PPP1R16B: variants seen among roughly 807,000 people sequenced by gnomAD.
The protein encoded by PPP1R16B is protein phosphatase 1 regulatory subunit 16B.
A neutral mutation model predicts 61.7 loss-of-function variants in PPP1R16B; 14 were observed. The observed-to-expected ratio is 0.23, with a 90% CI of 0.15 to 0.35. PPP1R16B has a LOEUF of 0.35. Among genes scored for constraint, PPP1R16B ranks in the 10% least tolerant of loss-of-function variants. The pLI is 1.00. For synonymous variants in PPP1R16B, 266 were observed against 305.3 expected (o/e 0.87, Z 1.34); for missense variants, 547 against 752.5 (o/e 0.73, Z 3.19).
At position 38,918,574 on chromosome 20, in the gene PPP1R16B, A is replaced by G; in HGVS notation, c.1612A>G (p.Thr538Ala). 1 of 1,545,290 alleles carries G rather than the reference A, an allele frequency of 6.5e-7. No individual in the cohort carries two copies. Among genetic ancestry groups the G allele is most frequent in the South Asian group, 1.3e-5 (1 of 79,218 alleles). Residue 538 changes from threonine (T) to alanine (A), a missense_variant, in exon 11 of 11, where the codon ACG (threonine) becomes GCG (alanine). Physicochemically the swap from Thr to Ala is moderately conservative, Grantham distance 58. Transcript: ENST00000299824. This position sits in a 1 kb window ranked among gnomAD's most constrained non-coding sequence, Gnocchi z 5.3. ...CAGCAATGGGACCTCGGTATATTAC[A>G]CGGTCACCAGCGGAGATCCCCCACT... is the stretch of plus-strand genomic sequence containing the variant. The part of the protein sequence containing the change: ...YSSNGTSVYY[T>A]VTSGDPPLLK...
intron 2 of PPP1R16B, among the ~76,000 whole-genome samples, chr20:38,884,996 C>A (rs1362479345): frequency 7.3e-6 from 1 of 136,360 alleles, no homozygotes. Flanking sequence ...GAGATCGCAC[C>A]ACTGCACTAC....
rs575068453 is a variant in PPP1R16B, at chr20:38,806,840, T to A, written c.-102+1048T>A. Among the ~76,000 whole-genome samples the A allele has an allele frequency of 4.9e-4, 74 of 152,262 alleles. No individual in the cohort carries two copies. Among genetic ancestry groups the A allele is most frequent in the African/African-American group, 1.7e-3 (70 of 41,578 alleles). Reference sequence around the variant, plus strand: ...TCCTGAGACCCCAGGGCTGCGCCGCTGCCGCGCGCCAGGCCTGGGTCCCGG... The same window carrying A: ...TCCTGAGACCCCAGGGCTGCGCCGCAGCCGCGCGCCAGGCCTGGGTCCCGG... On this transcript the variant is annotated intron_variant, in intron 1 of 10. Coordinates refer to ENST00000299824, the MANE Select transcript of PPP1R16B (RefSeq NM_015568.4). This position sits in a 1 kb window ranked among gnomAD's most constrained non-coding sequence, Gnocchi z 4.5.
At chr20:38,868,991 ACACTGCCAT>A (rs1441466791) in intron 2 of PPP1R16B, among the ~76,000 whole-genome samples, 1 of 151,912 alleles carries the variant, frequency 6.6e-6, no homozygotes, top group East Asian at 1.9e-4. Flanking sequence ...TTTCTCTAGG[ACACTGCCAT>A]CAGTCCAAAA....
intron 2 of PPP1R16B, among the ~76,000 whole-genome samples, chr20:38,847,954 T>C (rs999177508): frequency 2.6e-5 from 4 of 152,208 alleles, no homozygotes; most frequent in Non-Finnish European, 1.5e-5. Flanking sequence ...ATTTTTTTTA[T>C]CCCTTTAAAG....
Position 38,918,448 on chromosome 20 carries a change from C to A in PPP1R16B, c.1486C>A (p.Pro496Thr). 1.2e-6 allele frequency: 2 copies of A among 1,614,180 alleles called. No homozygotes were observed. The highest frequency in any genetic ancestry group is 1.7e-6 in the Non-Finnish European group (2 of 1,180,026). ...QRAAAKLLSHPFLSTHLGSSM... is the reference protein window; with the variant it reads ...QRAAAKLLSHTFLSTHLGSSM... ...GGCTGCAGCCAAGCTGCTCAGCCAC[C>A]CCTTCCTTAGCACACACCTGGGCAG... Residue 496 changes from proline (P) to threonine (T), a missense_variant, in exon 11 of 11, where the codon CCC (proline) becomes ACC (threonine). Coordinates refer to ENST00000299824, the MANE Select transcript of PPP1R16B (RefSeq NM_015568.4). This position sits in a 1 kb window ranked among gnomAD's most constrained non-coding sequence, Gnocchi z 5.3.
At chr20:38,873,736 T>C (rs2085146232) in intron 2 of PPP1R16B, among the ~76,000 whole-genome samples, 1 of 93,120 alleles carries the variant, frequency 1.1e-5, no homozygotes, top group African/African-American at 3.6e-5. Flanking sequence ...TGAAACATCT[T>C]TTTTTTGTTT....
intron 2 of PPP1R16B, among the ~76,000 whole-genome samples, chr20:38,845,308 G>A (rs192277443): frequency 2.2e-4 from 34 of 152,204 alleles, no homozygotes; most frequent in African/African-American, 7.2e-4. Flanking sequence ...AGGGCCAAAT[G>A]TGGTGGCTCA....
intron 2 of PPP1R16B, among the ~76,000 whole-genome samples, chr20:38,864,279 C>T (rs78096962): frequency 0.031 from 4,650 of 152,124 alleles, 237 homozygotes; most frequent in African/African-American, 0.1. Flanking sequence ...GATGATTGTA[C>T]AACTTTGAAT....
intron 1 of PPP1R16B, among the ~76,000 whole-genome samples, chr20:38,819,522 T>C (rs1342589541): frequency 1.3e-5 from 2 of 152,164 alleles, no homozygotes; most frequent in Non-Finnish European, 2.9e-5. Flanking sequence ...TATATGACTA[T>C]AGAAGACTTT....
At chr20:38,857,317 A>G (rs766305870) in intron 2 of PPP1R16B, among the ~76,000 whole-genome samples, 42 of 152,246 alleles carry the variant, frequency 2.8e-4, no homozygotes, top group Non-Finnish European at 5.1e-4. Context: ...TCATCTAGAT[A>G]CTTGGAAAAT....
intron 1 of PPP1R16B, among the ~76,000 whole-genome samples, chr20:38,833,429 G>T (rs1269257469): frequency 6.6e-6 from 1 of 152,134 alleles, no homozygotes; most frequent in Non-Finnish European, 1.5e-5. Context: ...TAGGGAAATC[G>T]GCATAAGATT....
intron 4 of PPP1R16B, among the ~76,000 whole-genome samples, chr20:38,896,791 T>C (rs566944152): frequency 1.3e-5 from 2 of 152,280 alleles, no homozygotes; most frequent in Admixed American, 1.3e-4. Flanking sequence ...CCCTGGCTCC[T>C]GGCGACCACC....
At chr20:38,877,178 A>C (rs992899593) in intron 2 of PPP1R16B, among the ~76,000 whole-genome samples, 6 of 152,220 alleles carry the variant, frequency 3.9e-5, no homozygotes, top group African/African-American at 9.7e-5. Context: ...TCTCACTTAT[A>C]AACAATATGC....
chr20:38,812,192 A>G (rs766463644), intron 1 of PPP1R16B, among the ~76,000 whole-genome samples: 2 of 152,132 alleles, frequency 1.3e-5, no homozygotes, highest in African/African-American at 4.8e-5. Flanking sequence ...GGGGGCCCAG[A>G]TTATCTGAAT....
intron 2 of PPP1R16B, among the ~76,000 whole-genome samples, chr20:38,880,932 G>A (rs1207039000): frequency 1.3e-5 from 2 of 152,204 alleles, no homozygotes; most frequent in Non-Finnish European, 2.9e-5. Context: ...CCCACCAGCA[G>A]GGCCCGAGGG....
Position 38,889,673 on chromosome 20 carries a change from C to A in PPP1R16B, c.321+8C>A, listed in dbSNP as rs370503844. 6.3e-7 allele frequency: 1 copy of A among 1,579,246 alleles called. No individual in the cohort carries two copies. Among genetic ancestry groups the A allele is most frequent in the African/African-American group, 1.3e-5 (1 of 74,232 alleles). On this transcript the variant is annotated splice_region_variant and intron_variant, in intron 3 of 10. Transcript: ENST00000299824. ...CTCACAGCCCTACACCAGGTAAGGC[C>A]GGGCTCGTTGGGGCTCCAGGGCTCC...
chr20:38,842,154 G>A (rs897444732), intron 2 of PPP1R16B, among the ~76,000 whole-genome samples: 2 of 152,196 alleles, frequency 1.3e-5, no homozygotes, highest in Non-Finnish European at 2.9e-5. Flanking sequence ...ACCCAGATCA[G>A]TTTCTCCGAA....
intron 2 of PPP1R16B, among the ~76,000 whole-genome samples, chr20:38,867,570 A>G (rs2085098615): frequency 6.6e-6 from 1 of 152,264 alleles, no homozygotes; most frequent in African/African-American, 2.4e-5. Flanking sequence ...GCCTTGCTTT[A>G]GCACAGTGCC....
In PPP1R16B at chr20:38,823,708, G is replaced by C. The variant is rs570752806; in HGVS notation, c.-101-12117G>C. ...TCACTGAAAAAAGGAGCACCCATAG[G>C]GGGTTGAGCCTATAGGGGTTTGGAA... On this transcript the variant is annotated intron_variant, in intron 1 of 10. Transcript: ENST00000299824. Among the ~76,000 whole-genome samples the C allele has an allele frequency of 1.1e-3, 165 of 152,186 alleles. 1 individual carries two copies. The highest frequency in any genetic ancestry group is 3.7e-3 in the African/African-American group (152 of 41,540).
Sources: gnomAD v4.1 joint callset for allele counts (sites outside exome capture counted in the v4.1 genomes callset) on GRCh38, gnomAD v4.1.1 for gene constraint, Gnocchi (gnomAD v3.1) non-coding constraint, MANE v1.5 for transcripts, NCBI Gene and HGNC (gene_info 2026-07-23, HGNC 2026-07-21) for gene names.